Variants in MYT1L observed in about 807,000 individuals in gnomAD.
MYT1L encodes the protein myelin transcription factor 1 like, also known as myelin transcription factor 1-like protein.
Under a neutral mutation model 126.7 loss-of-function variants are expected in MYT1L, and 12 were observed. The observed-to-expected ratio is 0.09, with a 90% confidence interval of 0.06 to 0.15. The LOEUF is 0.15. MYT1L is among the 10% of genes least tolerant of loss of function. The pLI is 1.00. For missense variants in MYT1L, 979 were observed against 1,585.2 expected, an observed-to-expected ratio of 0.62 and a Z score of 6.49; for synonymous variants, 541 against 604.2, an observed-to-expected ratio of 0.90 and a Z score of 1.53.
intron 4 of MYT1L, among the ~76,000 whole-genome samples, chr2:2,007,593 G>A (rs1008601747): frequency 4.6e-5 from 7 of 152,168 alleles, no homozygotes; most frequent in Admixed American, 3.3e-4. Flanking sequence ...CGGAACAAAG[G>A]GAAAGGTAAC....
chr2:2,110,050 C>T (rs2079245621), intron 3 of MYT1L, among the ~76,000 whole-genome samples: 1 of 151,610 alleles, frequency 6.6e-6, no homozygotes, highest in East Asian at 1.9e-4. Context: ...GCAGGGAGTA[C>T]TGTGCTGGGC....
rs535132338 is a variant in MYT1L, at chr2:1,975,299, C to T, written c.152+3866G>A. On this transcript the variant is annotated intron_variant, in intron 8 of 24. Coordinates refer to ENST00000647738, the MANE Select transcript of MYT1L (RefSeq NM_001303052.2). The stretch of plus-strand genomic sequence containing the variant: ...GCTTTCTGAGACCCACAGCAGATCC[C>T]GCAGCTGTGGCAGAGAGGGTGACGT... Among the ~76,000 whole-genome samples the T allele has an allele frequency of 6.8e-5, 7 of 102,382 alleles. No individual in the cohort carries two copies. In the South Asian group the frequency reaches 8.9e-4, roughly 13 times the overall value. The allele number at this position is 102,382 out of a possible 152,430, so 67.2% of individuals were successfully genotyped here.
intron 3 of MYT1L, among the ~76,000 whole-genome samples, chr2:2,105,333 C>G (rs2078619965): frequency 6.6e-6 from 1 of 152,126 alleles, no homozygotes; most frequent in Non-Finnish European, 1.5e-5. Context: ...GATTTGCTTT[C>G]CACACTAGCA....
Position 1,889,090 on chromosome 2 carries a change from C to T in MYT1L, c.2520+151G>A, listed in dbSNP as rs1015145338. The T allele has an allele frequency of 3.4e-6, 2 of 591,360 alleles. No individual in the cohort carries two copies. Among genetic ancestry groups the T allele is most frequent in the Admixed American group, 3.3e-5 (1 of 30,346 alleles). 36.6% of individuals were successfully genotyped at this position (591,360 alleles called of 1,614,324 possible). ...TAGTCGCAAATCTCTTCTGGGTCAA[C>T]AAAAACTGTTTTCTAAGTCCTCCTC... On this transcript the variant is annotated intron_variant, in intron 16 of 24. Transcript: ENST00000647738. The surrounding 1 kb of genome is among the most constrained non-coding windows in gnomAD (Gnocchi z 4.1).
chr2:1,914,589 G>T (rs990596381), intron 11 of MYT1L, among the ~76,000 whole-genome samples: 5 of 152,132 alleles, frequency 3.3e-5, no homozygotes, highest in Non-Finnish European at 7.3e-5. Flanking sequence ...AAACCCTGCA[G>T]AATATCATGC....
At chr2:2,099,267 G>A (rs1379850727) in intron 3 of MYT1L, among the ~76,000 whole-genome samples, 2 of 152,010 alleles carry the variant, frequency 1.3e-5, no homozygotes, top group Non-Finnish European at 2.9e-5. Flanking sequence ...ATCTGTGTGT[G>A]TGCAACAAAA....
chr2:2,047,132 T>G (rs2068279742), intron 4 of MYT1L, among the ~76,000 whole-genome samples: 2 of 152,236 alleles, frequency 1.3e-5, no homozygotes, highest in Admixed American at 1.3e-4. Context: ...AAACAATACC[T>G]GCACTAAAAT....
intron 13 of MYT1L, among the ~76,000 whole-genome samples, chr2:1,907,065 T>C (rs1488719249): frequency 6.6e-6 from 1 of 151,168 alleles, no homozygotes; most frequent in African/African-American, 2.4e-5. Flanking sequence ...TGAGCCATAA[T>C]TGTGCCACTG....
intron 2 of MYT1L, among the ~76,000 whole-genome samples, chr2:2,178,740 G>A (rs528055751): frequency 1.3e-5 from 2 of 152,262 alleles, no homozygotes; most frequent in African/African-American, 4.8e-5. Flanking sequence ...CGTAAGGATA[G>A]TGCAGCCTGC....
intron 8 of MYT1L, among the ~76,000 whole-genome samples, chr2:1,952,865 TTTCCCTTCCCTCCTTCC>T (rs1191934490): frequency 3.9e-5 from 2 of 51,610 alleles, no homozygotes; most frequent in Non-Finnish European, 6.8e-5. Context: ...TACCTCCTTC[TTTCCCTTCCCTCCTTCC>T]TTCCCTTCCC....
At chr2:2,249,587 T>C (rs751607619) in intron 2 of MYT1L, among the ~76,000 whole-genome samples, 24 of 152,034 alleles carry the variant, frequency 1.6e-4, no homozygotes, top group Non-Finnish European at 2.6e-4. Context: ...TAGGAAAACA[T>C]TGGATAAACT....
intron 3 of MYT1L, among the ~76,000 whole-genome samples, chr2:2,125,124 T>C (rs920543636): frequency 6.6e-6 from 1 of 152,200 alleles, no homozygotes; most frequent in Admixed American, 6.5e-5. Flanking sequence ...GCTTTTCTCT[T>C]TACCTTCCTG....
intron 3 of MYT1L, among the ~76,000 whole-genome samples, chr2:2,137,341 T>G (rs2083210919): frequency 6.6e-6 from 1 of 152,176 alleles, no homozygotes. Context: ...AAAAACTACT[T>G]TAAAGTTCAT....
chr2:2,277,842 C>T (rs947047975), intron 2 of MYT1L, among the ~76,000 whole-genome samples: 3 of 152,004 alleles, frequency 2.0e-5, no homozygotes, highest in African/African-American at 4.8e-5. Context: ...GCTAAGCTAC[C>T]TAATCAATTA....
chr2:2,131,813 T>C (rs2082387051), intron 3 of MYT1L, among the ~76,000 whole-genome samples: 1 of 151,612 alleles, frequency 6.6e-6, no homozygotes, highest in Admixed American at 6.6e-5. Context: ...CCTCACTCTG[T>C]GCTGCACAGA....
intron 8 of MYT1L, among the ~76,000 whole-genome samples, chr2:1,957,896 A>G (rs1285216334): frequency 6.6e-6 from 1 of 152,168 alleles, no homozygotes; most frequent in Admixed American, 6.5e-5. Context: ...TTTAATGACC[A>G]TATCACTCAT....
chr2:2,315,341 A>G, intron 1 of MYT1L, among the ~76,000 whole-genome samples: 1 of 152,234 alleles, frequency 6.6e-6, no homozygotes, highest in East Asian at 1.9e-4. Flanking sequence ...TAAGCATTAA[A>G]TAGAGGATGT....
rs146242947 is a variant in MYT1L, at chr2:1,886,400, C to T, written c.2711+139G>A. 7.5e-3 allele frequency: 3,992 copies of T among 530,886 alleles called. 19 individuals carry two copies. The highest frequency in any genetic ancestry group is 0.02 in the Middle Eastern group (39 of 1,956). The allele number at this position is 530,886 out of a possible 1,614,324, so 32.9% of individuals were successfully genotyped here. A position where few individuals can be genotyped will look rare whatever the true frequency, so the allele number is the denominator to read the frequency against. ...GGCTGAAATTCCGAGGATTCAATCC[C>T]ATGTCTACATCAAGGCACTGGGGTG... On this transcript the variant is annotated intron_variant, in intron 18 of 24. Coordinates refer to ENST00000647738, the MANE Select transcript of MYT1L (RefSeq NM_001303052.2).
chr2:2,048,243 AAAAAT>A (rs2068421345), intron 4 of MYT1L, among the ~76,000 whole-genome samples: 1 of 152,344 alleles, frequency 6.6e-6, no homozygotes, highest in African/African-American at 2.4e-5. Flanking sequence ...TGACCAGAAA[AAAAAT>A]AAAATAAAAC....
Sources: allele counts gnomAD v4.1 joint callset (sites outside exome capture counted in the v4.1 genomes callset), GRCh38; gene constraint gnomAD v4.1.1; non-coding constraint Gnocchi (gnomAD v3.1); transcripts MANE v1.5; gene names NCBI Gene and HGNC (gene_info 2026-07-23, HGNC 2026-07-21).